The following IL1RL2 variants were observed in gnomAD, a reference collection of about 807,000 sequenced individuals.
The protein encoded by IL1RL2 is interleukin-1 receptor-like 2.
In IL1RL2, 68 loss-of-function variants were observed where a neutral mutation model predicts 66.8. The observed-to-expected ratio is 1.02, with a 90% CI of 0.84 to 1.25. The LOEUF is 1.25. Among genes scored for constraint, IL1RL2 ranks in the 50% most tolerant of loss-of-function variants. IL1RL2 has a pLI of 0.00. For missense variants in IL1RL2, 729 were observed against 709.3 expected (o/e 1.03, Z -0.32); for synonymous variants, 305 against 264.6 (o/e 1.15, Z -1.48).
intron 5 of IL1RL2, among the ~76,000 whole-genome samples, chr2:102,206,811 A>G (rs1287259917): frequency 6.6e-6 from 1 of 152,170 alleles, no homozygotes; most frequent in Non-Finnish European, 1.5e-5. Context: ...TGTCCCTCCC[A>G]TCATGGCTGA....
chr2:102,199,521 T>G (rs912056221), intron 4 of IL1RL2, among the ~76,000 whole-genome samples: 8 of 152,236 alleles, frequency 5.3e-5, no homozygotes, highest in Non-Finnish European at 1.2e-4. Context: ...GACGCTATTG[T>G]TCTTAACATT....
chr2:102,198,444 A>G (rs1485346310), intron 4 of IL1RL2, among the ~76,000 whole-genome samples: 1 of 152,132 alleles, frequency 6.6e-6, no homozygotes, highest in Non-Finnish European at 1.5e-5. Flanking sequence ...TTTTGTTTCA[A>G]TCCCAAATTA....
At chr2:102,200,718 G>A (rs1270110792) in intron 4 of IL1RL2, among the ~76,000 whole-genome samples, 3 of 152,142 alleles carry the variant, frequency 2.0e-5, no homozygotes, top group Admixed American at 2.0e-4. Context: ...GGAAGAACTG[G>A]TGATTAGCAT....
intron 8 of IL1RL2, among the ~76,000 whole-genome samples, chr2:102,220,679 A>G (rs1212560412): frequency 1.3e-5 from 2 of 150,332 alleles, no homozygotes; most frequent in Non-Finnish European, 3.0e-5. Context: ...TCATTAGTGT[A>G]TGTGTGTGTG....
Position 102,231,976 on chromosome 2 carries a change from G to A in IL1RL2, c.1136-987G>A, listed in dbSNP as rs559915503. Among the ~76,000 whole-genome samples the A allele has an allele frequency of 5.3e-4, 81 of 152,280 alleles. 1 individual carries two copies. Among genetic ancestry groups the A allele is most frequent in the African/African-American group, 1.9e-3 (77 of 41,560 alleles). The stretch of plus-strand genomic sequence containing the variant: ...ACAGGACACGCTGAGGGTAACATGG[G>A]TAAATGGCTAGAGTTTCCTGCTTTT... On this transcript the variant is annotated intron_variant, in intron 9 of 11. Coordinates refer to ENST00000264257, the MANE Select transcript of IL1RL2 (RefSeq NM_003854.4).
chr2:102,221,462 C>G (rs928069775), intron 8 of IL1RL2, among the ~76,000 whole-genome samples: 1 of 152,170 alleles, frequency 6.6e-6, no homozygotes, highest in African/African-American at 2.4e-5. Context: ...TTTAAACTCT[C>G]CAACCTCCTG....
At chr2:102,195,609 C>CTT (rs1169848418) in intron 4 of IL1RL2, among the ~76,000 whole-genome samples, 205 of 17,942 alleles carry the variant, frequency 0.011, 7 homozygotes, top group African/African-American at 0.029. Flanking sequence ...TTCTTTCTTT[C>CTT]TTTCTTTCTT....
At chr2:102,195,617 C>CT (rs1374089317) in intron 4 of IL1RL2, among the ~76,000 whole-genome samples, 1 of 17,146 alleles carries the variant, frequency 5.8e-5, no homozygotes, top group South Asian at 4.2e-3. Context: ...TTCTTTCTTT[C>CT]TTTCTTTCTT....
intron 10 of IL1RL2, among the ~76,000 whole-genome samples, chr2:102,233,500 G>A (rs949427400): frequency 6.6e-6 from 1 of 152,186 alleles, no homozygotes; most frequent in East Asian, 1.9e-4. Flanking sequence ...ACTGCTGGGT[G>A]TTTTCCATGG....
intron 9 of IL1RL2, among the ~76,000 whole-genome samples, chr2:102,228,296 G>A (rs1311481703): frequency 6.6e-6 from 1 of 152,096 alleles, no homozygotes; most frequent in East Asian, 1.9e-4. Flanking sequence ...GATATTTTCT[G>A]AGTTAAATCA....
At position 102,239,287 on chromosome 2, in the gene IL1RL2, T is replaced by C. The variant is rs760762516; in HGVS notation, c.*46T>C. ...ATGGCTGGAAGATGACTTGTTTTGC[T>C]CCATGTCTCCTCATTCCTACACCTA... On this transcript the variant is annotated 3_prime_UTR_variant, in exon 12 of 12. Transcript: ENST00000264257. 2 of 1,557,608 alleles carry C rather than the reference T, an allele frequency of 1.3e-6. No homozygotes were observed. Among genetic ancestry groups the C allele is most frequent in the Non-Finnish European group, 1.8e-6 (2 of 1,128,728 alleles).
At chr2:102,195,539 C>A (rs1275130688) in intron 4 of IL1RL2, among the ~76,000 whole-genome samples, 2 of 150,082 alleles carry the variant, frequency 1.3e-5, no homozygotes, top group East Asian at 3.9e-4. Context: ...GTAGCATTCC[C>A]TTATTCTATT....
intron 7 of IL1RL2, 142 bp downstream of exon 7, chr2:102,219,224 GGA>G: frequency 1.1e-6 from 1 of 938,420 alleles, no homozygotes; most frequent in Non-Finnish European, 1.7e-6. Context: ...ACATAGTTAG[GGA>G]GATATGGTAA....
chr2:102,197,653 A>G (rs947253753), intron 4 of IL1RL2, among the ~76,000 whole-genome samples: 1 of 152,214 alleles, frequency 6.6e-6, no homozygotes, highest in Non-Finnish European at 1.5e-5. Context: ...CTGAAAGGTA[A>G]AGGTGAGGAT....
chr2:102,204,678 C>T (rs1688551555), intron 5 of IL1RL2, among the ~76,000 whole-genome samples: 1 of 142,534 alleles, frequency 7.0e-6, no homozygotes, highest in African/African-American at 2.5e-5. Context: ...AGCATAGCTA[C>T]TCCTGCTCTT....
chr2:102,207,083 A>G (rs1688769335), intron 5 of IL1RL2, among the ~76,000 whole-genome samples: 1 of 152,174 alleles, frequency 6.6e-6, no homozygotes, highest in Non-Finnish European at 1.5e-5. Context: ...TTAAGGTCCA[A>G]GAGCTCTTAA....
rs200119274 is a variant in IL1RL2, at chr2:102,220,027, C to T, written c.991+10C>T. 68 of 1,607,274 alleles carry T rather than the reference C, an allele frequency of 4.2e-5. No individual in the cohort carries two copies. The African/African-American group carries it at 8.5e-4, about 20-fold the overall frequency. On this transcript the variant is annotated intron_variant, in intron 8 of 11. Transcript: ENST00000264257. ...ATATTACAGCTCCCAGGTAATACTC[C>T]AGTGGGTTACACACTGTTCAGAGTG...
intron 4 of IL1RL2, among the ~76,000 whole-genome samples, chr2:102,198,771 C>A (rs553643284): frequency 2.6e-5 from 4 of 152,044 alleles, no homozygotes; most frequent in Non-Finnish European, 4.4e-5. Flanking sequence ...CTTCTGTGCT[C>A]GCTTTTGCTT....
intron 9 of IL1RL2, 79 bp from the exon 10 acceptor site, chr2:102,232,884 A>G: frequency 6.6e-7 from 1 of 1,509,872 alleles, no homozygotes. Context: ...ACACCATGGT[A>G]GCCGCTCAGG....
Sources: gnomAD v4.1 joint callset for allele counts (sites outside exome capture counted in the v4.1 genomes callset) on GRCh38, gnomAD v4.1.1 for gene constraint, MANE v1.5 for transcripts, NCBI Gene and HGNC (gene_info 2026-07-23, HGNC 2026-07-21) for gene names.